Variants in SETD1A observed in about 807,000 individuals in gnomAD.
SETD1A encodes the protein SET domain containing 1A, histone lysine methyltransferase, also known as histone-lysine N-methyltransferase SETD1A.
Under a neutral mutation model 149.9 loss-of-function variants are expected in SETD1A, and 29 were observed. The ratio of observed to expected loss-of-function variants is 0.19; its 90% CI spans 0.14 to 0.26. SETD1A has a LOEUF of 0.26. Ranked by LOEUF, SETD1A falls within the 10% of genes least tolerant of loss-of-function variation. SETD1A has a pLI of 1.00. For synonymous variants in SETD1A, 1,141 were observed against 968.5 expected, an observed-to-expected ratio of 1.18 and a Z score of -3.31; for missense variants, 2,109 against 2,353.1, an observed-to-expected ratio of 0.90 and a Z score of 2.15.
chr16:30,974,452 C>G (rs2056260557), intron 13 of SETD1A, among the ~76,000 whole-genome samples: 1 of 151,964 alleles, frequency 6.6e-6, no homozygotes, highest in South Asian at 2.1e-4. Flanking sequence ...CAAGCAGGGC[C>G]CGAGGAGGCT....
intron 13 of SETD1A, among the ~76,000 whole-genome samples, chr16:30,977,155 A>G (rs1490797385): frequency 1.3e-5 from 2 of 152,222 alleles, no homozygotes; most frequent in African/African-American, 4.8e-5. Context: ...CATGTTGGTC[A>G]GGATGGTCTC....
At chr16:30,981,009 G>T (rs2056369562) in intron 16 of SETD1A, 52 bp from the exon 17 acceptor site, 1 of 1,610,020 alleles carries the variant, frequency 6.2e-7, no homozygotes, top group African/African-American at 1.3e-5. Flanking sequence ...GAAGAGTGAG[G>T]GTCTGGGGTG....
Position 30,979,239 on chromosome 16 carries a change from C to T in SETD1A, c.3453C>T (p.Pro1151=). The change falls in exon 14 of 19, where the codon CCC becomes CCT. Residue 1151 remains proline, a synonymous_variant. Transcript: ENST00000262519. The part of the protein sequence containing the change: ...PAPAPRPDER[P]SSPIPLLPPP... ...CTGCCCCACGCCCCGATGAGCGTCC[C>T]TCTTCTCCCATCCCCCTCCTGCCCC... 1.2e-6 allele frequency: 2 copies of T among 1,605,040 alleles called. No homozygotes were observed. The highest frequency in any genetic ancestry group is 1.1e-5 in the South Asian group (1 of 90,108).
chr16:30,979,240 T>G lies in SETD1A; in HGVS notation c.3454T>G (p.Ser1152Ala). 2.7e-6 allele frequency: 3 copies of G among 1,128,470 alleles called. No homozygotes were observed. Among genetic ancestry groups the G allele is most frequent in the Non-Finnish European group, 3.5e-6 (3 of 860,950 alleles). 69.9% of individuals were successfully genotyped at this position (1,128,470 alleles called of 1,614,324 possible). The change falls in exon 14 of 19, where the codon TCT becomes GCT. Residue 1152 changes from serine to alanine, a missense_variant. By Grantham distance (99) the Ser-to-Ala change is moderately conservative. Transcript: ENST00000262519. ...TGCCCCACGCCCCGATGAGCGTCCC[T>G]CTTCTCCCATCCCCCTCCTGCCCCC... ...APAPRPDERP[S>A]SPIPLLPPPK...
intron 13 of SETD1A, 73 bp downstream of exon 13, chr16:30,971,792 T>C: frequency 6.7e-7 from 1 of 1,486,264 alleles, no homozygotes; most frequent in Non-Finnish European, 8.9e-7. Context: ...GTGCTTGCAT[T>C]TATTGTGTAC....
At position 30,964,163 on chromosome 16, in the gene SETD1A, C is replaced by A; in HGVS notation, c.709C>A (p.Pro237Thr). The part of the protein sequence containing the change: ...YPAGTTAVGT[P>T]GNGTPCSQDT... ...AGCAGGCACCACTGCGGTGGGCACT[C>A]CTGGCAACGGCACCCCCTGCTCCCA... Residue 237 changes from proline (P) to threonine (T), a missense_variant, in exon 6 of 19, where the codon CCT becomes ACT. Pro to Thr is a conservative substitution (Grantham distance 38). Transcript: ENST00000262519. The A allele has an allele frequency of 6.2e-7, 1 of 1,614,086 alleles. No homozygotes were observed. Among genetic ancestry groups the A allele is most frequent in the Non-Finnish European group, 8.5e-7 (1 of 1,179,990 alleles).
Position 30,969,588 on chromosome 16 carries a change from TC to T in SETD1A, c.2929-13del. The T allele has an allele frequency of 6.2e-7, 1 of 1,613,348 alleles. No individual in the cohort carries two copies. Among genetic ancestry groups the T allele is most frequent in the Non-Finnish European group, 8.5e-7 (1 of 1,179,330 alleles). On this transcript the variant is annotated splice_polypyrimidine_tract_variant and intron_variant, in intron 11 of 18. Transcript: ENST00000262519. ...TCCCCTTCCTGTTAGTCCTCATTTG[TC>T]TTTTTTCTTAAGGATGAGGAGGATG...
intron 4 of SETD1A, among the ~76,000 whole-genome samples, chr16:30,963,114 C>G (rs1213480309): frequency 6.6e-6 from 1 of 152,226 alleles, no homozygotes; most frequent in Non-Finnish European, 1.5e-5. Context: ...ATGACCAATT[C>G]TGTGACTTTG....
In SETD1A at chr16:30,964,405, CA is replaced by C. The variant is rs1465139998; in HGVS notation, c.869+84del. 3.7e-6 allele frequency: 5 copies of C among 1,361,830 alleles called. No homozygotes were observed. In the African/African-American group the frequency reaches 7.3e-5, roughly 20 times the overall value. 84.4% of individuals were successfully genotyped at this position (1,361,830 alleles called of 1,614,324 possible). A position where few individuals can be genotyped will look rare whatever the true frequency, so the allele number is the denominator to read the frequency against. On this transcript the variant is annotated intron_variant, in intron 6 of 18. Transcript: ENST00000262519. ...GAAGAAGATGCCCAGAGTCTGTCTC[CA>C]AGAGGGAGTTGGAAATAATTTGTCC...
intron 4 of SETD1A, among the ~76,000 whole-genome samples, chr16:30,963,184 A>G (rs2056077287): frequency 6.6e-6 from 1 of 152,218 alleles, no homozygotes; most frequent in Non-Finnish European, 1.5e-5. Flanking sequence ...TGGTGATCCA[A>G]CATGGTAAAA....
Position 30,966,239 on chromosome 16 carries a change from G to A in SETD1A, c.2358G>A (p.Pro786=), listed in dbSNP as rs1422153500. ...AGCTGGCAGAGGGCAAGACCCTCCC[G>A]ACAGCAGGCACCGTGGGCCGTGTGC... The part of the protein sequence containing the change: ...EAELAEGKTL[P]TAGTVGRVLA... Residue 786 remains proline (P), a synonymous_variant, in exon 8 of 19, where the codon CCG becomes CCA. Transcript: ENST00000262519. 16 of 1,613,674 alleles carry A rather than the reference G, an allele frequency of 9.9e-6. No homozygotes were observed. The highest frequency in any genetic ancestry group is 4.0e-5 in the African/African-American group (3 of 74,944).
At position 30,965,996 on chromosome 16, in the gene SETD1A, C is replaced by T. The variant is rs756246310; in HGVS notation, c.2115C>T (p.Gly705=). The change falls in exon 8 of 19, where the codon GGC becomes GGT. Residue 705 remains glycine (G), a synonymous_variant. Coordinates refer to ENST00000262519, the MANE Select transcript of SETD1A (RefSeq NM_014712.3). ...AGGGATTGATTGCCGCCTCAGCTGG[C>T]CCCCCCGGTGGGGCCTTTGGGGAGG... The part of the protein sequence containing the change: ...QGKGLIAASA[G]PPGGAFGEAF... The T allele has an allele frequency of 6.4e-7, 1 of 1,574,288 alleles. No individual in the cohort carries two copies. The highest frequency in any genetic ancestry group is 8.6e-7 in the Non-Finnish European group (1 of 1,159,894).
chr16:30,964,005 G>T (rs977416746), intron 5 of SETD1A, 89 bp from the exon 6 acceptor site: 2 of 1,008,296 alleles, frequency 2.0e-6, no homozygotes, highest in Non-Finnish European at 2.9e-6. Context: ...AAAAAAAAAA[G>T]GGAACTAGGA....
intron 13 of SETD1A, among the ~76,000 whole-genome samples, chr16:30,977,173 T>A (rs1334930504): frequency 6.6e-6 from 1 of 152,196 alleles, no homozygotes; most frequent in Non-Finnish European, 1.5e-5. Context: ...CTCGATCTCT[T>A]GACCTCATGG....
Position 30,980,235 on chromosome 16 carries a change from C to A in SETD1A, c.4408+41C>A. The A allele has an allele frequency of 6.4e-7, 1 of 1,551,098 alleles. No homozygotes were observed. The highest frequency in any genetic ancestry group is 8.7e-7 in the Non-Finnish European group (1 of 1,147,928). ...GCGGCCTTCCCCGGGCTTGGGTCCT[C>A]CCCCGACCCCTCCAGGCACCTGCAT... On this transcript the variant is annotated intron_variant, in intron 14 of 18. Transcript: ENST00000262519. The surrounding 1 kb of genome is among the most constrained non-coding windows in gnomAD (Gnocchi z 7.7).
At chr16:30,977,017 G>T (rs2056293095) in intron 13 of SETD1A, among the ~76,000 whole-genome samples, 1 of 151,980 alleles carries the variant, frequency 6.6e-6, no homozygotes, top group Non-Finnish European at 1.5e-5. Flanking sequence ...GTGCCATCTC[G>T]ACTTACTGCA....
rs373700306 is a variant in SETD1A, at chr16:30,959,138, T to C, written c.198T>C (p.His66=). 1.2e-5 allele frequency: 19 copies of C among 1,613,906 alleles called. No individual in the cohort carries two copies. The African/African-American group carries it at 2.3e-4, about 19-fold the overall frequency. Residue 66 remains histidine (H), a synonymous_variant, in exon 3 of 19, where the codon CAT becomes CAC. Transcript: ENST00000262519. The part of the protein sequence containing the change: ...PVEDLQDPRC[H]VRSKNRDFSL... ...AAGACCTCCAAGACCCCCGTTGCCA[T>C]GTCAGGTCCAAAAACAGAGACTTTT...
In SETD1A at chr16:30,965,913, A is replaced by G. The variant is rs141244213; in HGVS notation, c.2032A>G (p.Met678Val). Reference protein sequence around the residue: ...RLGAQWGGMPMSFQMQTQMLT... With the variant: ...RLGAQWGGMPVSFQMQTQMLT... Reference sequence around the variant, plus strand: ...TGGGGCTCAGTGGGGAGGGATGCCCATGTCCTTCCAGATGCAGACCCAGAT... The same window carrying G: ...TGGGGCTCAGTGGGGAGGGATGCCCGTGTCCTTCCAGATGCAGACCCAGAT... The change falls in exon 8 of 19, where the codon ATG becomes GTG. Residue 678 changes from methionine (M) to valine (V), a missense_variant. Around this residue, in one of 8 missense-constraint regions of SETD1A, gnomAD observed 431 missense variants for 388.6 expected, o/e 1.11. Transcript: ENST00000262519. 1.9e-6 allele frequency: 3 copies of G among 1,611,044 alleles called. No individual in the cohort carries two copies. The highest frequency in any genetic ancestry group is 2.5e-6 in the Non-Finnish European group (3 of 1,179,258).
chr16:30,963,397 C>G, intron 4 of SETD1A, 36 bp from the exon 5 acceptor site: 1 of 1,567,574 alleles, frequency 6.4e-7, no homozygotes, highest in African/African-American at 1.4e-5. Context: ...GTTAGTATCT[C>G]CATCTGACAA....
Sources: allele counts gnomAD v4.1 joint callset (sites outside exome capture counted in the v4.1 genomes callset), GRCh38; gene constraint gnomAD v4.1.1; regional missense constraint gnomAD v4.1.1; non-coding constraint Gnocchi (gnomAD v3.1); transcripts MANE v1.5; gene names NCBI Gene and HGNC (gene_info 2026-07-23, HGNC 2026-07-21).